Variants in BTBD9 observed in about 807,000 individuals in gnomAD.
BTBD9 encodes BTB/POZ domain-containing protein 9.
In BTBD9, 49 loss-of-function variants were observed where a neutral mutation model predicts 64.3. The ratio of observed to expected loss-of-function variants is 0.76; its 90% CI spans 0.61 to 0.97. The LOEUF (loss-of-function observed/expected upper bound fraction) is 0.97, where lower values mean the gene tolerates loss of function less well. BTBD9 is among the 50% of genes least tolerant of loss of function. BTBD9 has a pLI of 0.00. For synonymous variants in BTBD9, 260 were observed against 274.7 expected, an observed-to-expected ratio of 0.95 and a Z score of 0.53; for missense variants, 598 against 762.1, an observed-to-expected ratio of 0.78 and a Z score of 2.53.
At chr6:38,599,686 A>C (rs574578896) in intron 1 of BTBD9, among the ~76,000 whole-genome samples, 1 of 152,328 alleles carries the variant, frequency 6.6e-6, no homozygotes, top group Admixed American at 6.5e-5. Context: ...CTTAATCTTT[A>C]AACTCCCACA....
At chr6:38,462,137 AGAG>A in intron 6 of BTBD9, among the ~76,000 whole-genome samples, 1 of 152,294 alleles carries the variant, frequency 6.6e-6, no homozygotes, top group South Asian at 2.1e-4. Flanking sequence ...AAGTGTCTTT[AGAG>A]GAGCAAAAGG....
intron 7 of BTBD9, among the ~76,000 whole-genome samples, chr6:38,302,857 T>C (rs572206611): frequency 2.0e-4 from 31 of 152,266 alleles, no homozygotes; most frequent in African/African-American, 7.0e-4. Context: ...GGTGAAGTAA[T>C]ATATCCCTGT....
rs117923511 is a variant in BTBD9, at chr6:38,260,106, T to C, written c.1455-3590A>G. Among the ~76,000 whole-genome samples, 220 of 152,314 alleles carry C rather than the reference T, an allele frequency of 1.4e-3. 4 individuals carry two copies. In the East Asian group the frequency reaches 0.031, roughly 21 times the overall value. The stretch of plus-strand genomic sequence containing the variant: ...GCTCCTATGTTTGTCTGGTTCTTAT[T>C]TTGATTATAAGAACTTTAGAAAGAT... On this transcript the variant is annotated intron_variant, in intron 8 of 10. Coordinates refer to ENST00000481247, the MANE Select transcript of BTBD9 (RefSeq NM_001099272.2).
chr6:38,505,192 C>T (rs957115571), intron 6 of BTBD9, among the ~76,000 whole-genome samples: 1 of 152,190 alleles, frequency 6.6e-6, no homozygotes, highest in Non-Finnish European at 1.5e-5. Flanking sequence ...ATCCTCTTCC[C>T]AGGTGATCTC....
intron 7 of BTBD9, among the ~76,000 whole-genome samples, chr6:38,294,307 C>G (rs1476873085): frequency 6.6e-6 from 1 of 152,196 alleles, no homozygotes; most frequent in Non-Finnish European, 1.5e-5. Context: ...ACCCAGCCAT[C>G]TCATTACTGG....
At chr6:38,525,995 G>T (rs1207762651) in intron 6 of BTBD9, among the ~76,000 whole-genome samples, 1 of 152,224 alleles carries the variant, frequency 6.6e-6, no homozygotes, top group Non-Finnish European at 1.5e-5. Flanking sequence ...GCTGGCTGCA[G>T]AAATTTGCAT....
intron 8 of BTBD9, among the ~76,000 whole-genome samples, chr6:38,279,683 C>A (rs1761434856): frequency 1.3e-5 from 2 of 152,130 alleles, no homozygotes; most frequent in Admixed American, 1.3e-4. Context: ...CTGATGCTTT[C>A]CACTCATTTC....
chr6:38,618,092 G>A (rs1431932395), intron 1 of BTBD9, among the ~76,000 whole-genome samples: 3 of 152,174 alleles, frequency 2.0e-5, no homozygotes, highest in African/African-American at 7.2e-5. Flanking sequence ...GTGGGTTCTT[G>A]GATGGGGAAA....
intron 7 of BTBD9, among the ~76,000 whole-genome samples, chr6:38,331,402 C>T (rs985199821): frequency 1.3e-5 from 2 of 152,110 alleles, no homozygotes; most frequent in Admixed American, 1.3e-4. Flanking sequence ...TCACTTGAAC[C>T]CAGGAGTGGA....
chr6:38,307,523 G>C (rs192283139), intron 7 of BTBD9, among the ~76,000 whole-genome samples: 14 of 152,300 alleles, frequency 9.2e-5, no homozygotes, highest in Admixed American at 3.3e-4. Context: ...ATTCAGTCCT[G>C]ACCACCTCTC....
intron 7 of BTBD9, among the ~76,000 whole-genome samples, chr6:38,294,014 T>C (rs1322924305): frequency 1.3e-5 from 2 of 151,978 alleles, no homozygotes; most frequent in African/African-American, 4.8e-5. Flanking sequence ...ATGCAAAGGA[T>C]ATGAACAGAC....
intron 1 of BTBD9, among the ~76,000 whole-genome samples, chr6:38,626,697 G>A (rs780349764): frequency 7.2e-5 from 11 of 152,120 alleles, no homozygotes; most frequent in Middle Eastern, 3.2e-3. Flanking sequence ...TAGAAATAGC[G>A]GGGCCTACTC....
At chr6:38,206,028 A>G (rs1206126359) in intron 9 of BTBD9, among the ~76,000 whole-genome samples, 1 of 152,046 alleles carries the variant, frequency 6.6e-6, no homozygotes, top group African/African-American at 2.4e-5. Context: ...CAGGACAACT[A>G]GTCCAGACTG....
At chr6:38,257,703 T>C (rs1487286914) in intron 8 of BTBD9, among the ~76,000 whole-genome samples, 2 of 152,156 alleles carry the variant, frequency 1.3e-5, no homozygotes, top group African/African-American at 4.8e-5. Flanking sequence ...ATCCCCCTTT[T>C]CTGCCCAGAT....
intron 9 of BTBD9, among the ~76,000 whole-genome samples, chr6:38,242,936 G>A (rs9296242): frequency 0.11 from 16,254 of 152,222 alleles, 1,278 homozygotes; most frequent in East Asian, 0.45. Flanking sequence ...AATGTATCAA[G>A]TTATATGCAT....
At chr6:38,256,608 G>GTT (rs1764588321) in intron 8 of BTBD9, 92 bp from the exon 9 acceptor site, 4 of 831,256 alleles carry the variant, frequency 4.8e-6, no homozygotes, top group South Asian at 1.6e-5. Context: ...CACCTCCTTT[G>GTT]TTCAGCACAT....
intron 1 of BTBD9, among the ~76,000 whole-genome samples, chr6:38,614,205 G>A (rs942316635): frequency 1.3e-5 from 2 of 152,152 alleles, no homozygotes; most frequent in African/African-American, 4.8e-5. Flanking sequence ...CCCTTCAGCA[G>A]AAGCCTTCAC....
intron 1 of BTBD9, among the ~76,000 whole-genome samples, chr6:38,619,377 G>A (rs530112190): frequency 1.1e-4 from 16 of 152,160 alleles, no homozygotes; most frequent in Non-Finnish European, 1.8e-4. Context: ...AGACAAACAA[G>A]CCTTGGTGGT....
In BTBD9 at chr6:38,460,963, T is replaced by C. The variant is rs75885005; in HGVS notation, c.1155-115870A>G. ...TTTTAAAGGCTGGATAACTTAGTAATTAATGAAATATTTTATGTTTGTCAC... is the reference window on the plus strand; with the variant it reads ...TTTTAAAGGCTGGATAACTTAGTAACTAATGAAATATTTTATGTTTGTCAC... On this transcript the variant is annotated intron_variant, in intron 6 of 10. Transcript: ENST00000481247. Among the ~76,000 whole-genome samples the C allele has an allele frequency of 7.0e-3, 1,062 of 152,296 alleles. 7 individuals are homozygous for C. The highest frequency in any genetic ancestry group is 0.024 in the African/African-American group (1,005 of 41,562).
Sources: gnomAD v4.1 joint callset for allele counts (sites outside exome capture counted in the v4.1 genomes callset) on GRCh38, gnomAD v4.1.1 for gene constraint, MANE v1.5 for transcripts, NCBI Gene and HGNC (gene_info 2026-07-23, HGNC 2026-07-21) for gene names.